The following PATJ variants were observed in gnomAD, a reference collection of about 807,000 sequenced individuals.
PATJ encodes the protein inaD-like protein.
PATJ carries 190 observed loss-of-function variants against 224.9 expected under a neutral mutation model. The ratio of observed to expected loss-of-function variants is 0.84; its 90% confidence interval spans 0.75 to 0.95. PATJ has a LOEUF of 0.95. Ranked by LOEUF, PATJ falls within the 40% of genes least tolerant of loss-of-function variation. PATJ has a pLI of 0.00. For missense variants in PATJ, 2,121 were observed against 2,270.3 expected (o/e 0.93, Z 1.34); for synonymous variants, 769 against 820.3 (o/e 0.94, Z 1.07).
At chr1:61,918,310 T>TTC (rs1179957040) in intron 26 of PATJ, among the ~76,000 whole-genome samples, 1 of 145,324 alleles carries the variant, frequency 6.9e-6, no homozygotes, top group African/African-American at 2.5e-5. Flanking sequence ...GTGTATTCTT[T>TTC]TTTTTTTTTT....
intron 30 of PATJ, among the ~76,000 whole-genome samples, chr1:62,050,163 CATTTTTT>C (rs1653336919): frequency 6.9e-6 from 1 of 144,254 alleles, no homozygotes; most frequent in Non-Finnish European, 1.5e-5. Flanking sequence ...TTTAAAGAAA[CATTTTTT>C]ATTAAATAAA....
intron 41 of PATJ, among the ~76,000 whole-genome samples, chr1:62,130,580 G>T (rs984331222): frequency 6.6e-6 from 1 of 151,614 alleles, no homozygotes; most frequent in Admixed American, 6.6e-5. Flanking sequence ...TGCTGGGCAC[G>T]GTGGCTCACA....
chr1:62,008,125 C>G (rs1296025059), intron 28 of PATJ, among the ~76,000 whole-genome samples: 1 of 152,128 alleles, frequency 6.6e-6, no homozygotes, highest in Non-Finnish European at 1.5e-5. Flanking sequence ...TAGCTGTTGT[C>G]TCAGCTCCAA....
chr1:61,932,650 A>G (rs1231752527), intron 27 of PATJ, among the ~76,000 whole-genome samples: 1 of 152,260 alleles, frequency 6.6e-6, no homozygotes. Context: ...CTGTAATCCC[A>G]GCACTTTGGG....
intron 27 of PATJ, among the ~76,000 whole-genome samples, chr1:61,935,102 C>T (rs1220145175): frequency 2.9e-5 from 4 of 140,008 alleles, no homozygotes; most frequent in Non-Finnish European, 5.9e-5. Flanking sequence ...ATTCTTTCAG[C>T]GACATTTTTC....
intron 16 of PATJ, among the ~76,000 whole-genome samples, chr1:61,830,937 C>T (rs1415690829): frequency 2.0e-5 from 3 of 151,906 alleles, no homozygotes; most frequent in African/African-American, 7.3e-5. Context: ...GCCTGTAATC[C>T]CAACAGTTTG....
chr1:62,035,845 G>T (rs1411158620), intron 29 of PATJ, among the ~76,000 whole-genome samples: 1 of 152,066 alleles, frequency 6.6e-6, no homozygotes, highest in Non-Finnish European at 1.5e-5. Flanking sequence ...AGCATATTAA[G>T]AAGGTCCTGG....
At chr1:62,075,759 A>T (rs1338328349) in intron 31 of PATJ, among the ~76,000 whole-genome samples, 1 of 152,092 alleles carries the variant, frequency 6.6e-6, no homozygotes, top group African/African-American at 2.4e-5. Flanking sequence ...TCTACTAAAA[A>T]TACAAAAAAT....
chr1:61,996,203 G>T (rs1156992895), intron 28 of PATJ, among the ~76,000 whole-genome samples: 1 of 152,172 alleles, frequency 6.6e-6, no homozygotes, highest in African/African-American at 2.4e-5. Context: ...TAAAGACATA[G>T]AGCTACAGGT....
At chr1:61,873,416 AT>A (rs1162469905) in intron 20 of PATJ, among the ~76,000 whole-genome samples, 3 of 152,088 alleles carry the variant, frequency 2.0e-5, no homozygotes, top group African/African-American at 7.2e-5. Context: ...TGATCTACAC[AT>A]TTTGGCCTCC....
At chr1:61,979,743 GAAAC>G (rs1235526075) in intron 27 of PATJ, among the ~76,000 whole-genome samples, 1 of 151,850 alleles carries the variant, frequency 6.6e-6, no homozygotes, top group Non-Finnish European at 1.5e-5. Flanking sequence ...AAGTCCCAAG[GAAAC>G]AAACCTGTGT....
chr1:62,050,120 C>CA (rs35986021), intron 30 of PATJ, among the ~76,000 whole-genome samples: 2,142 of 95,114 alleles, frequency 0.023, 37 homozygotes, highest in African/African-American at 0.033. Flanking sequence ...TCTGCCCCAC[C>CA]AAAAAAAAAA....
intron 42 of PATJ, among the ~76,000 whole-genome samples, chr1:62,151,744 G>A (rs1381274260): frequency 3.9e-5 from 6 of 152,124 alleles, no homozygotes; most frequent in South Asian, 4.2e-4. Context: ...AGATGACTTC[G>A]CCTCTCAGAC....
chr1:61,900,632 C>G (rs931711390), intron 23 of PATJ, among the ~76,000 whole-genome samples: 1 of 151,678 alleles, frequency 6.6e-6, no homozygotes, highest in Non-Finnish European at 1.5e-5. Flanking sequence ...CTCTGTCGCC[C>G]GGGCTGGAGT....
intron 28 of PATJ, among the ~76,000 whole-genome samples, chr1:62,000,172 A>G (rs1348273865): frequency 2.0e-5 from 3 of 149,958 alleles, no homozygotes; most frequent in African/African-American, 4.9e-5. Context: ...TGCAGGTGAC[A>G]GCCACCGTGC....
chr1:62,002,150 T>A (rs1245350933), intron 28 of PATJ, among the ~76,000 whole-genome samples: 2 of 152,092 alleles, frequency 1.3e-5, no homozygotes, highest in Non-Finnish European at 2.9e-5. Flanking sequence ...GCCCCAAACC[T>A]ACCTAGAGGC....
intron 31 of PATJ, among the ~76,000 whole-genome samples, chr1:62,074,049 G>A (rs1657883624): frequency 6.6e-6 from 1 of 151,458 alleles, no homozygotes; most frequent in Non-Finnish European, 1.5e-5. Flanking sequence ...ATGTTTTTAT[G>A]TGTCTAAAAT....
intron 18 of PATJ, among the ~76,000 whole-genome samples, chr1:61,859,696 C>G (rs1045691564): frequency 6.6e-6 from 1 of 151,908 alleles, no homozygotes; most frequent in African/African-American, 2.4e-5. Context: ...CTCAGCTCAC[C>G]GCAACCTCCG....
chr1:61,863,606 A>G (rs1664970075), intron 19 of PATJ, among the ~76,000 whole-genome samples: 1 of 152,208 alleles, frequency 6.6e-6, no homozygotes, highest in Non-Finnish European at 1.5e-5. Flanking sequence ...TTTCAGTGGT[A>G]TGCACTAGCT....
Sources: allele counts gnomAD v4.1 joint callset (sites outside exome capture counted in the v4.1 genomes callset), GRCh38; gene constraint gnomAD v4.1.1; transcripts MANE v1.5; gene names NCBI Gene and HGNC (gene_info 2026-07-23, HGNC 2026-07-21).